Variants in RBM44 observed in about 807,000 individuals in gnomAD.
The protein encoded by RBM44 is RNA-binding protein 44.
RBM44 carries 66 observed loss-of-function variants against 105.1 expected under a neutral mutation model. The observed-to-expected ratio is 0.63, with a 90% CI of 0.52 to 0.77. The LOEUF is 0.77. Ranked by LOEUF, RBM44 falls within the 30% of genes least tolerant of loss-of-function variation. The pLI is 0.00. For missense variants in RBM44, 1,122 were observed against 1,207.8 expected (o/e 0.93, Z 1.05); for synonymous variants, 365 against 417.6 (o/e 0.87, Z 1.54).
At chr2:237,815,242 A>G (rs1033488662) in intron 2 of RBM44, among the ~76,000 whole-genome samples, 1 of 152,234 alleles carries the variant, frequency 6.6e-6, no homozygotes. Flanking sequence ...AGTATCTAGA[A>G]TATATAAAAG....
At chr2:237,824,035 A>G (rs1347073207) in intron 9 of RBM44, among the ~76,000 whole-genome samples, 1 of 152,168 alleles carries the variant, frequency 6.6e-6, no homozygotes, top group Non-Finnish European at 1.5e-5. Flanking sequence ...ATAAGCCGGG[A>G]ATAGTGTTTT....
chr2:237,807,317 T>G (rs1210898611), intron 1 of RBM44, among the ~76,000 whole-genome samples: 1 of 152,080 alleles, frequency 6.6e-6, no homozygotes, highest in Non-Finnish European at 1.5e-5. Context: ...CCTGGCTAAT[T>G]TTTTATATTT....
At chr2:237,802,952 A>T (rs1337624090) in intron 1 of RBM44, among the ~76,000 whole-genome samples, 1 of 152,144 alleles carries the variant, frequency 6.6e-6, no homozygotes, top group African/African-American at 2.4e-5. Flanking sequence ...CCTCACCAAT[A>T]TCTGGTGTTA....
chr2:237,808,002 A>G (rs2061616193), intron 1 of RBM44, among the ~76,000 whole-genome samples: 1 of 152,242 alleles, frequency 6.6e-6, no homozygotes, highest in Admixed American at 6.5e-5. Context: ...ATGACAAGAC[A>G]TAATGAGTCA....
intron 13 of RBM44, among the ~76,000 whole-genome samples, chr2:237,832,578 A>G (rs2061914487): frequency 6.6e-6 from 1 of 152,126 alleles, no homozygotes; most frequent in African/African-American, 2.4e-5. Context: ...TGGGAGAGAG[A>G]CGTTATAAAG....
chr2:237,839,830 T>C (rs1249374183), intron 15 of RBM44, among the ~76,000 whole-genome samples: 1 of 152,032 alleles, frequency 6.6e-6, no homozygotes, highest in African/African-American at 2.4e-5. Flanking sequence ...AAGGACACTA[T>C]CAAAAGAGTG....
chr2:237,813,512 C>G, intron 1 of RBM44, 80 bp from the exon 2 acceptor site: 1 of 700,750 alleles, frequency 1.4e-6, no homozygotes, highest in Non-Finnish European at 2.3e-6. Context: ...TTTAAAAGGA[C>G]ATATCTTTCT....
Position 237,818,258 on chromosome 2 carries a change from G to A in RBM44, c.1339G>A (p.Gly447Arg). Reference sequence around the variant, plus strand: ...AAAGAAAACATGCTTTCACAATATAGGAGAAATGTGTACTAAATCATTGAC... The same window carrying A: ...AAAGAAAACATGCTTTCACAATATAAGAGAAATGTGTACTAAATCATTGAC... ...TTKKTCFHNIGEMCTKSLTDA... is the reference protein window; with the variant it reads ...TTKKTCFHNIREMCTKSLTDA... Residue 447 changes from glycine to arginine, a missense_variant, in exon 3 of 16, where the codon GGA becomes AGA. Gly to Arg is a moderately radical substitution (Grantham distance 125). Transcript: ENST00000316997. This position sits in a 1 kb window ranked among gnomAD's most constrained non-coding sequence, Gnocchi z 4.6. 1 of 1,613,162 alleles carries A rather than the reference G, an allele frequency of 6.2e-7. No individual in the cohort carries two copies. Among genetic ancestry groups the A allele is most frequent in the African/African-American group, 1.3e-5 (1 of 75,022 alleles).
At chr2:237,808,542 AG>A (rs1190342753) in intron 1 of RBM44, among the ~76,000 whole-genome samples, 1 of 152,132 alleles carries the variant, frequency 6.6e-6, no homozygotes, top group Non-Finnish European at 1.5e-5. Flanking sequence ...TTAGGAACTC[AG>A]TGGATGGGTT....
chr2:237,817,860 G>A lies in RBM44; in HGVS notation c.941G>A (p.Gly314Asp), dbSNP rs1373382327. Residue 314 changes from glycine to aspartate, a missense_variant, in exon 3 of 16, where the codon GGT becomes GAT. Physicochemically the swap from Gly to Asp is moderately conservative, Grantham distance 94. This residue lies in a region of RBM44 where 918 missense variants were observed against 955.3 expected (regional missense o/e 0.96). Coordinates refer to ENST00000316997, the MANE Select transcript of RBM44 (RefSeq NM_001080504.3). ...PGNQESQSKSGSLSPQKVLKM... is the reference protein window; with the variant it reads ...PGNQESQSKSDSLSPQKVLKM... Reference sequence around the variant, plus strand: ...AACCAGGAATCTCAATCTAAGAGTGGTTCCTTGAGCCCTCAAAAAGTATTA... The same window carrying A: ...AACCAGGAATCTCAATCTAAGAGTGATTCCTTGAGCCCTCAAAAAGTATTA... The A allele has an allele frequency of 1.9e-6, 3 of 1,610,744 alleles. 1 individual carries two copies. Among genetic ancestry groups the A allele is most frequent in the South Asian group, 1.1e-5 (1 of 90,626 alleles).
intron 1 of RBM44, among the ~76,000 whole-genome samples, chr2:237,800,350 A>G (rs1489693844): frequency 2.0e-5 from 3 of 152,128 alleles, no homozygotes; most frequent in East Asian, 3.8e-4. Flanking sequence ...AGTTTTTTCT[A>G]TATTCTAGAT....
At chr2:237,828,227 A>G (rs1343767405) in intron 12 of RBM44, among the ~76,000 whole-genome samples, 1 of 152,142 alleles carries the variant, frequency 6.6e-6, no homozygotes, top group Non-Finnish European at 1.5e-5. Context: ...TTACTGTTTC[A>G]TTATTAAAAG....
intron 8 of RBM44, among the ~76,000 whole-genome samples, chr2:237,823,067 AAATT>A (rs1216706435): frequency 6.6e-6 from 1 of 151,852 alleles, no homozygotes; most frequent in East Asian, 1.9e-4. Context: ...AGCATACGCT[AAATT>A]AAATATATAG....
chr2:237,838,513 A>C (rs1248162035), intron 15 of RBM44, among the ~76,000 whole-genome samples: 4 of 152,166 alleles, frequency 2.6e-5, no homozygotes, highest in Non-Finnish European at 2.9e-5. Context: ...AAACAAAAAT[A>C]ATGATGTTTT....
intron 15 of RBM44, among the ~76,000 whole-genome samples, chr2:237,835,562 C>T (rs1385414800): frequency 2.0e-5 from 3 of 152,100 alleles, no homozygotes; most frequent in Non-Finnish European, 4.4e-5. Context: ...GTGAAACAAC[C>T]TTATTGCTGA....
rs1441815581 is a variant in RBM44 at position 237,831,255 on chromosome 2, GGT to G, written c.2886+1754_2886+1755del. 7.7e-4 allele frequency among the ~76,000 whole-genome samples: 95 copies of G among 122,756 alleles called. 2 individuals are homozygous for G. Among genetic ancestry groups the G allele is most frequent in the South Asian group, 4.2e-3 (13 of 3,090 alleles). 80.5% of individuals were successfully genotyped at this position (122,756 alleles called of 152,430 possible). A position where few individuals can be genotyped will look rare whatever the true frequency, so the allele number is the denominator to read the frequency against. Reference sequence around the variant, plus strand: ...TTGTCCTTTTTTTTGGGGGGGGGGGGGTTTGTCTTTGTTTTTGTTTGTTTTGT... The same window carrying G: ...TTGTCCTTTTTTTTGGGGGGGGGGGGTTGTCTTTGTTTTTGTTTGTTTTGT... On this transcript the variant is annotated intron_variant, in intron 13 of 15. Transcript: ENST00000316997.
chr2:237,820,979 A>T, intron 5 of RBM44, 92 bp from the exon 6 acceptor site: 2 of 886,324 alleles, frequency 2.3e-6, no homozygotes, highest in Non-Finnish European at 3.3e-6. Context: ...TGAGCCCAGG[A>T]GTTCAAGAAC....
In RBM44 at chr2:237,821,216, T is replaced by A; in HGVS notation, c.2059T>A (p.Ser687Thr). The change falls in exon 6 of 16, where the codon TCA becomes ACA. Residue 687 changes from serine to threonine, a missense_variant. Transcript: ENST00000316997. ...AGAGCTGCCCCCACTGTCACTAGAA[T>A]CAAAATTATTATCTACCTTCTCTAC... The part of the protein sequence containing the change: ...LEELPPLSLE[S>T]KLLSTFSTFA... 6.2e-7 allele frequency: 1 copy of A among 1,607,864 alleles called. No individual in the cohort carries two copies. The highest frequency in any genetic ancestry group is 8.5e-7 in the Non-Finnish European group (1 of 1,177,038).
chr2:237,814,249 C>T (rs1007267789), intron 2 of RBM44, among the ~76,000 whole-genome samples: 1 of 151,984 alleles, frequency 6.6e-6, no homozygotes, highest in African/African-American at 2.4e-5. Context: ...ACAAGTTAAA[C>T]AAATTAACTT....
Sources: gnomAD v4.1 joint callset for allele counts (sites outside exome capture counted in the v4.1 genomes callset) on GRCh38, gnomAD v4.1.1 for gene constraint, gnomAD v4.1.1 regional missense constraint, Gnocchi (gnomAD v3.1) non-coding constraint, MANE v1.5 for transcripts, NCBI Gene and HGNC (gene_info 2026-07-23, HGNC 2026-07-21) for gene names.